Variants in RGS6 observed in about 807,000 individuals in gnomAD.
RGS6 encodes the protein regulator of G-protein signaling 6.
In RGS6, 30 loss-of-function variants were observed where a neutral mutation model predicts 78.5. That is an observed-to-expected ratio of 0.38 (90% CI 0.29 to 0.52). The LOEUF is 0.52. Ranked by LOEUF, RGS6 falls within the 20% of genes least tolerant of loss-of-function variation. The pLI, the probability that RGS6 is intolerant of heterozygous loss-of-function variation, is 0.85. For synonymous variants in RGS6, 206 were observed against 206.0 expected (o/e 1.00, Z 0.00); for missense variants, 495 against 609.7 (o/e 0.81, Z 1.98).
intron 2 of RGS6, among the ~76,000 whole-genome samples, chr14:72,254,775 T>C (rs1018305402): frequency 4.6e-5 from 7 of 152,188 alleles, no homozygotes; most frequent in African/African-American, 1.7e-4. Flanking sequence ...TATCCCTTTG[T>C]TGCCAGAGAA....
chr14:72,626,286 A>G, the RGS6 span, among the ~76,000 whole-genome samples: 1 of 151,690 alleles, frequency 6.6e-6, no homozygotes, highest in Non-Finnish European at 1.5e-5. Flanking sequence ...TCATTTTCCC[A>G]TTTTTCTCTA....
rs145444522 is a variant in RGS6 at position 71,984,568 on chromosome 14, G to A, written c.84+19693G>A. Among the ~76,000 whole-genome samples the A allele has an allele frequency of 1.7e-3, 256 of 152,030 alleles. 1 individual carries two copies. Among genetic ancestry groups the A allele is most frequent in the African/African-American group, 5.9e-3 (246 of 41,496 alleles). ...GAAATCATCTGAACTGTGTTTTTAAGAAAGGGTAGGAGTTGGCTGGTGGAA... is the reference window on the plus strand; with the variant it reads ...GAAATCATCTGAACTGTGTTTTTAAAAAAGGGTAGGAGTTGGCTGGTGGAA... On this transcript the variant is annotated intron_variant, in intron 2 of 17. Transcript: ENST00000553525.
chr14:72,410,476 T>C (rs756767497), intron 3 of RGS6, among the ~76,000 whole-genome samples: 1 of 152,226 alleles, frequency 6.6e-6, no homozygotes, highest in Non-Finnish European at 1.5e-5. Flanking sequence ...TAGCCCTTTG[T>C]CAGATGAATA....
chr14:72,168,622 A>G (rs1387869487), intron 2 of RGS6, among the ~76,000 whole-genome samples: 2 of 151,404 alleles, frequency 1.3e-5, no homozygotes, highest in Non-Finnish European at 2.9e-5. Context: ...TAAAATATAT[A>G]ATTAAATTAG....
chr14:72,081,972 C>A (rs2094845084), intron 2 of RGS6, among the ~76,000 whole-genome samples: 2 of 151,738 alleles, frequency 1.3e-5, no homozygotes, highest in Admixed American at 1.3e-4. Flanking sequence ...TGTTTTAGAT[C>A]TTTTTTTAAC....
At chr14:72,248,734 G>A (rs953522863) in intron 2 of RGS6, among the ~76,000 whole-genome samples, 2 of 152,120 alleles carry the variant, frequency 1.3e-5, no homozygotes, top group African/African-American at 4.8e-5. Context: ...CCTGATCTTT[G>A]GGCCATTGAC....
chr14:72,388,434 C>T (rs2088950763), intron 3 of RGS6, among the ~76,000 whole-genome samples: 1 of 152,184 alleles, frequency 6.6e-6, no homozygotes, highest in African/African-American at 2.4e-5. Flanking sequence ...ATAACTAATA[C>T]AGCCATCATA....
chr14:72,622,915 C>G, the RGS6 span, among the ~76,000 whole-genome samples: 1 of 152,210 alleles, frequency 6.6e-6, no homozygotes, highest in African/African-American at 2.4e-5. Flanking sequence ...TTTACACTAT[C>G]TGTAAAGCCA....
intron 3 of RGS6, among the ~76,000 whole-genome samples, chr14:72,357,321 GGAAGGAACAGTTT>G (rs2080522079): frequency 1.3e-5 from 2 of 152,040 alleles, no homozygotes; most frequent in Non-Finnish European, 2.9e-5. Context: ...GACAGGCAGA[GGAAGGAACAGTTT>G]GAAGGGCTCA....
In RGS6 at chr14:72,044,717, A is replaced by G. The variant is rs562322269; in HGVS notation, c.84+79842A>G. ...GAGACTCTGTCTCTACTAAAAATAC[A>G]AAAAAATAAGCTGAGTGTGGTGGTG... is the stretch of plus-strand genomic sequence containing the variant. On this transcript the variant is annotated intron_variant, in intron 2 of 17. Transcript: ENST00000553525. 1.2e-4 allele frequency among the ~76,000 whole-genome samples: 18 copies of G among 152,042 alleles called. No homozygotes were observed. The South Asian group carries it at 3.5e-3, about 30-fold the overall frequency.
chr14:72,403,607 C>G (rs892303887), intron 3 of RGS6, among the ~76,000 whole-genome samples: 1 of 152,126 alleles, frequency 6.6e-6, no homozygotes, highest in Non-Finnish European at 1.5e-5. Context: ...TTTGAATGTT[C>G]CCAACGTAAA....
At chr14:72,074,407 AG>A (rs886262666) in intron 2 of RGS6, among the ~76,000 whole-genome samples, 2 of 151,644 alleles carry the variant, frequency 1.3e-5, no homozygotes, top group Admixed American at 6.6e-5. Flanking sequence ...TCTGTTGCTC[AG>A]GCTGGTCTTG....
chr14:72,581,869 C>T, the RGS6 span, among the ~76,000 whole-genome samples: 1 of 152,304 alleles, frequency 6.6e-6, no homozygotes, highest in South Asian at 2.1e-4. Context: ...CACAGGGCTG[C>T]ATAATTAACC....
At chr14:71,992,609 ATT>A (rs1289297277) in intron 2 of RGS6, among the ~76,000 whole-genome samples, 1 of 152,236 alleles carries the variant, frequency 6.6e-6, no homozygotes, top group East Asian at 1.9e-4. Flanking sequence ...CAAAATTTAA[ATT>A]TGTTTGATTT....
At chr14:72,278,459 C>G (rs2061047072) in intron 2 of RGS6, among the ~76,000 whole-genome samples, 1 of 152,142 alleles carries the variant, frequency 6.6e-6, no homozygotes, top group African/African-American at 2.4e-5. Context: ...TTGCTCACCA[C>G]ACTGGGAATA....
At chr14:72,462,380 G>T (rs551587678) in intron 6 of RGS6, among the ~76,000 whole-genome samples, 2 of 152,228 alleles carry the variant, frequency 1.3e-5, no homozygotes, top group East Asian at 3.9e-4. Flanking sequence ...CAGCAGTTTG[G>T]GGAAGCTATT....
intron 2 of RGS6, among the ~76,000 whole-genome samples, chr14:72,249,258 G>A (rs2055021531): frequency 6.6e-6 from 1 of 152,148 alleles, no homozygotes; most frequent in Non-Finnish European, 1.5e-5. Context: ...AGAAGAGGTG[G>A]CCAGGAAAAG....
intron 17 of RGS6, among the ~76,000 whole-genome samples, chr14:72,553,515 C>A (rs2097533668): frequency 6.6e-6 from 1 of 152,174 alleles, no homozygotes; most frequent in Non-Finnish European, 1.5e-5. Flanking sequence ...CGGCAGCACC[C>A]ATTTCTTGGT....
chr14:72,574,492 G>T, the RGS6 span, among the ~76,000 whole-genome samples: 1 of 152,348 alleles, frequency 6.6e-6, no homozygotes, highest in Non-Finnish European at 1.5e-5. Flanking sequence ...GACCCAGGGG[G>T]AAGATCTGAT....
Sources: gnomAD v4.1 joint callset for allele counts (sites outside exome capture counted in the v4.1 genomes callset) on GRCh38, gnomAD v4.1.1 for gene constraint, MANE v1.5 for transcripts, NCBI Gene and HGNC (gene_info 2026-07-23, HGNC 2026-07-21) for gene names.